Variants in PLPPR5 observed in about 807,000 individuals in gnomAD.
PLPPR5 encodes phospholipid phosphatase related 5.
PLPPR5 carries 16 observed loss-of-function variants against 33.9 expected under a neutral mutation model. That is an observed-to-expected ratio of 0.47 (90% CI 0.32 to 0.72). The LOEUF (loss-of-function observed/expected upper bound fraction) is 0.72, where lower values mean the gene tolerates loss of function less well. Among genes scored for constraint, PLPPR5 ranks in the 30% least tolerant of loss-of-function variants. The pLI is 0.03. For synonymous variants in PLPPR5, 163 were observed against 150.3 expected (o/e 1.08, Z -0.62); for missense variants, 301 against 406.7 (o/e 0.74, Z 2.23).
At chr1:98,897,986 TTAAG>T (rs1374928587) in intron 5 of PLPPR5, among the ~76,000 whole-genome samples, 1 of 152,104 alleles carries the variant, frequency 6.6e-6, no homozygotes, top group Non-Finnish European at 1.5e-5. Flanking sequence ...TAAATAATTT[TTAAG>T]TAATTGGTTA....
intron 1 of PLPPR5, among the ~76,000 whole-genome samples, chr1:98,961,384 T>C (rs1651245099): frequency 6.6e-6 from 1 of 152,210 alleles, no homozygotes; most frequent in African/African-American, 2.4e-5. Context: ...CTATTAGCTC[T>C]CAGCTTGACC....
At chr1:98,937,015 A>G (rs1170751628) in intron 3 of PLPPR5, among the ~76,000 whole-genome samples, 1 of 152,248 alleles carries the variant, frequency 6.6e-6, no homozygotes, top group African/African-American at 2.4e-5. Flanking sequence ...TATAGGCTAC[A>G]TGAGGTAGGA....
chr1:98,890,611 A>G lies in PLPPR5; in HGVS notation c.*2461T>C, dbSNP rs1570671658. 2 of 152,584 alleles carry G rather than the reference A, an allele frequency of 1.3e-5. No homozygotes were observed. The highest frequency in any genetic ancestry group is 4.1e-4 in the South Asian group (2 of 4,832). 9.5% of individuals were successfully genotyped at this position (152,584 alleles called of 1,614,324 possible). A position where few individuals can be genotyped will look rare whatever the true frequency, so the allele number is the denominator to read the frequency against. On this transcript the variant is annotated 3_prime_UTR_variant, in exon 6 of 6. Coordinates refer to ENST00000263177, the MANE Select transcript of PLPPR5 (RefSeq NM_001037317.2). ...AAGGAGATGTTTTTATCAGAAAGAT[A>G]TGTGTTTGCCTGCTTTTACTAGACT...
chr1:98,908,643 G>A (rs1016754952), intron 5 of PLPPR5, among the ~76,000 whole-genome samples: 1 of 152,128 alleles, frequency 6.6e-6, no homozygotes, highest in Admixed American at 6.5e-5. Flanking sequence ...GTCCTTGGGT[G>A]GATGGGGGGT....
Position 99,000,570 on chromosome 1 carries a change from T to TTGTTCATGGAGC in PLPPR5, c.237+3864_237+3865insGCTCCATGAACA, listed in dbSNP as rs1553173191. ...GTCTCCATTTGCTGCCTCCAAGGGG[T>TTGTTCATGGAGC]TGTTCACGGAGTGATGTCCTAACTC... On this transcript the variant is annotated intron_variant, in intron 1 of 5. Transcript: ENST00000263177. Among the ~76,000 whole-genome samples the TTGTTCATGGAGC allele has an allele frequency of 1.4e-4, 21 of 151,230 alleles. No individual in the cohort carries two copies. In the East Asian group the frequency reaches 3.5e-3, roughly 25 times the overall value.
At chr1:98,993,806 A>C (rs1398072585) in intron 1 of PLPPR5, among the ~76,000 whole-genome samples, 1 of 152,208 alleles carries the variant, frequency 6.6e-6, no homozygotes, top group East Asian at 1.9e-4. Flanking sequence ...TATGAAATGG[A>C]TATTAGAAAG....
intron 5 of PLPPR5, among the ~76,000 whole-genome samples, chr1:98,911,139 T>A (rs762484548): frequency 6.6e-6 from 1 of 152,094 alleles, no homozygotes; most frequent in Non-Finnish European, 1.5e-5. Flanking sequence ...CTTGTGGTCA[T>A]CCCATGCTCT....
intron 1 of PLPPR5, among the ~76,000 whole-genome samples, chr1:98,983,695 G>C (rs1390422579): frequency 1.3e-5 from 2 of 151,368 alleles, no homozygotes; most frequent in East Asian, 3.9e-4. Flanking sequence ...CTAGTTTACA[G>C]TCCCACCAAC....
At chr1:98,999,103 G>C (rs757981423) in intron 1 of PLPPR5, among the ~76,000 whole-genome samples, 1 of 152,164 alleles carries the variant, frequency 6.6e-6, no homozygotes, top group Non-Finnish European at 1.5e-5. Flanking sequence ...AGGGTCAGTA[G>C]ACTAAACTAG....
At chr1:98,963,205 G>C (rs1461195570) in intron 1 of PLPPR5, among the ~76,000 whole-genome samples, 1 of 152,104 alleles carries the variant, frequency 6.6e-6, no homozygotes, top group Non-Finnish European at 1.5e-5. Flanking sequence ...ATGGTTCTGT[G>C]CTTGAGACAT....
chr1:98,896,174 G>A (rs1159412976), intron 5 of PLPPR5, among the ~76,000 whole-genome samples: 1 of 151,946 alleles, frequency 6.6e-6, no homozygotes, highest in African/African-American at 2.4e-5. Context: ...GTATGTACAT[G>A]CATAATTTGA....
intron 1 of PLPPR5, among the ~76,000 whole-genome samples, chr1:98,990,033 A>C (rs1652396489): frequency 6.6e-6 from 1 of 152,214 alleles, no homozygotes; most frequent in South Asian, 2.1e-4. Context: ...GATTAATTTC[A>C]GAAAAAAATT....
Position 98,893,123 on chromosome 1 carries a change from A to T in PLPPR5, c.934-19T>A. The T allele has an allele frequency of 6.2e-7, 1 of 1,609,616 alleles. No individual in the cohort carries two copies. The highest frequency in any genetic ancestry group is 8.5e-7 in the Non-Finnish European group (1 of 1,177,370). On this transcript the variant is annotated intron_variant, in intron 5 of 5. Transcript: ENST00000263177. Reference sequence around the variant, plus strand: ...TGTGGTTCTGCAAAAAGAAAAAGGAATGACAAAGTGAGAGGCTTGGGAACA... The same window carrying T: ...TGTGGTTCTGCAAAAAGAAAAAGGATTGACAAAGTGAGAGGCTTGGGAACA...
At chr1:98,975,385 C>A (rs974467237) in intron 1 of PLPPR5, among the ~76,000 whole-genome samples, 3 of 152,066 alleles carry the variant, frequency 2.0e-5, no homozygotes, top group Non-Finnish European at 2.9e-5. Context: ...CTTCCATTGA[C>A]AGAAATCACG....
chr1:99,002,148 T>C (rs1382758633), intron 1 of PLPPR5, among the ~76,000 whole-genome samples: 1 of 152,072 alleles, frequency 6.6e-6, no homozygotes, highest in Non-Finnish European at 1.5e-5. Flanking sequence ...GCTCCTCACA[T>C]GGTGACAGAG....
chr1:98,914,935 G>A lies in PLPPR5; in HGVS notation c.799-15C>T, dbSNP rs1299063764. 1 of 1,604,926 alleles carries A rather than the reference G, an allele frequency of 6.2e-7. No individual in the cohort carries two copies. The highest frequency in any genetic ancestry group is 2.2e-5 in the East Asian group (1 of 44,588). ...ACGCACACAACCTAAAATTTCAGAA[G>A]ACAATTACAGTTAAAGCAAACTGTG... On this transcript the variant is annotated splice_polypyrimidine_tract_variant and intron_variant, in intron 4 of 5. Transcript: ENST00000263177.
chr1:98,931,249 C>T (rs1649954156), intron 3 of PLPPR5, among the ~76,000 whole-genome samples: 1 of 152,032 alleles, frequency 6.6e-6, no homozygotes, highest in South Asian at 2.1e-4. Context: ...TCTTTGTAAC[C>T]TCAGCGCCTG....
At chr1:98,932,395 A>C (rs1410134644) in intron 3 of PLPPR5, among the ~76,000 whole-genome samples, 2 of 152,174 alleles carry the variant, frequency 1.3e-5, no homozygotes, top group Non-Finnish European at 2.9e-5. Flanking sequence ...TTTGCCGCTT[A>C]CTCAATACTC....
At chr1:98,895,699 C>T (rs982485297) in intron 5 of PLPPR5, among the ~76,000 whole-genome samples, 3 of 152,028 alleles carry the variant, frequency 2.0e-5, no homozygotes, top group Non-Finnish European at 4.4e-5. Flanking sequence ...GCCCCCTCCC[C>T]CAAATTAGCA....
Sources: allele counts gnomAD v4.1 joint callset (sites outside exome capture counted in the v4.1 genomes callset), GRCh38; gene constraint gnomAD v4.1.1; transcripts MANE v1.5; gene names NCBI Gene and HGNC (gene_info 2026-07-23, HGNC 2026-07-21).